The following CNN2 variants were observed in gnomAD, a reference collection of about 807,000 sequenced individuals.
CNN2 encodes the protein calponin-2.
In CNN2, 21 loss-of-function variants were observed where a neutral mutation model predicts 31.0. The observed-to-expected ratio is 0.68, with a 90% confidence interval of 0.48 to 0.98. The LOEUF is 0.98. CNN2 is among the 50% of genes least tolerant of loss of function. The pLI is 0.00. For missense variants in CNN2, 399 were observed against 427.3 expected (o/e 0.93, Z 0.58); for synonymous variants, 165 against 179.6 (o/e 0.92, Z 0.65).
At chr19:1,035,524 G>A (rs547630041) in intron 4 of CNN2, among the ~76,000 whole-genome samples, 1 of 152,260 alleles carries the variant, frequency 6.6e-6, no homozygotes, top group Admixed American at 6.5e-5. Flanking sequence ...AGGAGGTGGT[G>A]GAAGGTGAGA....
chr19:1,036,679 C>T (rs2039592930), intron 6 of CNN2, 117 bp downstream of exon 6: 2 of 1,274,646 alleles, frequency 1.6e-6, no homozygotes, highest in African/African-American at 1.5e-5. Context: ...CAGCCCCTTC[C>T]CTAGACCACC....
At chr19:1,027,544 C>G (rs1457857874) in intron 1 of CNN2, among the ~76,000 whole-genome samples, 3 of 152,212 alleles carry the variant, frequency 2.0e-5, no homozygotes, top group Non-Finnish European at 4.4e-5. Flanking sequence ...AGGGGAGACA[C>G]TTTTTAAGAG....
rs776013683 is a variant in CNN2, at chr19:1,033,758, G to GAC, written c.390+1063_390+1064dup. 3.2e-3 allele frequency among the ~76,000 whole-genome samples: 242 copies of GAC among 75,430 alleles called. 2 individuals carry two copies. Among genetic ancestry groups the GAC allele is most frequent in the East Asian group, 9.7e-3 (21 of 2,158 alleles). 49.5% of individuals were successfully genotyped at this position (75,430 alleles called of 152,430 possible). A position where few individuals can be genotyped will look rare whatever the true frequency, so the allele number is the denominator to read the frequency against. ...TGGTGTAGACGGGGAGCGTGGGTGG[G>GAC]ACGGTGTCTGGTGTAGACCGGGAGC... On this transcript the variant is annotated intron_variant, in intron 4 of 6. Coordinates refer to ENST00000263097, the MANE Select transcript of CNN2 (RefSeq NM_004368.4).
chr19:1,035,657 T>G (rs1460353997), intron 4 of CNN2, among the ~76,000 whole-genome samples: 1 of 152,160 alleles, frequency 6.6e-6, no homozygotes, highest in Non-Finnish European at 1.5e-5. Flanking sequence ...GCGCGGTGGC[T>G]CACGCCTGTA....
At chr19:1,031,028 G>A (rs769198476) in intron 1 of CNN2, 43 bp from the exon 2 acceptor site, 13 of 1,577,442 alleles carry the variant, frequency 8.2e-6, no homozygotes, top group African/African-American at 1.4e-5. Flanking sequence ...CCTGCTGGGG[G>A]TGCCCCCAGC....
At chr19:1,036,602 C>A (rs2039591315) in intron 6 of CNN2, 40 bp downstream of exon 6, 9 of 1,612,942 alleles carry the variant, frequency 5.6e-6, no homozygotes, top group Non-Finnish European at 7.6e-6. Flanking sequence ...TCTCCCTGCC[C>A]CTCTACACCC....
intron 1 of CNN2, among the ~76,000 whole-genome samples, chr19:1,029,620 G>C (rs1271246284): frequency 3.3e-5 from 5 of 152,162 alleles, no homozygotes; most frequent in Non-Finnish European, 5.9e-5. Context: ...AGCGGAGGCT[G>C]AGTGGGGAGC....
chr19:1,035,647 G>A (rs1351248540), intron 4 of CNN2, among the ~76,000 whole-genome samples: 1 of 152,224 alleles, frequency 6.6e-6, no homozygotes, highest in Non-Finnish European at 1.5e-5. Context: ...CATGGGCTGG[G>A]CGCGGTGGCT....
chr19:1,026,947 G>C (rs1031293824), intron 1 of CNN2: 6 of 510,302 alleles, frequency 1.2e-5, no homozygotes, highest in Admixed American at 4.0e-5. Context: ...TCTGGGGGAC[G>C]AGTGACCCAT....
At chr19:1,028,108 C>A (rs1033424148) in intron 1 of CNN2, among the ~76,000 whole-genome samples, 2 of 152,164 alleles carry the variant, frequency 1.3e-5, no homozygotes, top group Non-Finnish European at 2.9e-5. Context: ...CTAAGGGCAC[C>A]GGTGTCCACA....
At chr19:1,030,909 G>C in intron 1 of CNN2, 162 bp from the exon 2 acceptor site, 2 of 909,240 alleles carry the variant, frequency 2.2e-6, no homozygotes, top group Non-Finnish European at 3.3e-6. Context: ...CCCAATGATG[G>C]GAAAAGGGAG....
chr19:1,036,483 AC>A lies in CNN2; in HGVS notation c.579del (p.Lys194ArgfsTer28), dbSNP rs756749884. On this transcript the variant is annotated frameshift_variant, in exon 6 of 7. Transcript: ENST00000263097. LOFTEE classifies it high-confidence loss of function. ...TAYGTRRHLYDPKNHILPPMD... is the reference protein window; with the variant it reads ...TAYGTRRHLYXPKNHILPPMD... ...TACGGCACGAGAAGGCATCTCTATG[AC>A]CCCAAGAACCATATCCTGCCCCCCA... 1 of 1,612,942 alleles carries A rather than the reference AC, an allele frequency of 6.2e-7. No individual in the cohort carries two copies. The highest frequency in any genetic ancestry group is 1.1e-5 in the South Asian group (1 of 91,054).
intron 1 of CNN2, 98 bp from the exon 2 acceptor site, chr19:1,030,973 C>G: frequency 2.8e-6 from 4 of 1,429,090 alleles, no homozygotes; most frequent in Non-Finnish European, 3.8e-6. Flanking sequence ...TCTGCTGTTG[C>G]CCTGGAGTCC....
At chr19:1,036,694 G>T (rs751459188) in intron 6 of CNN2, 132 bp downstream of exon 6, 491 of 1,096,926 alleles carry the variant, frequency 4.5e-4, no homozygotes, top group Non-Finnish European at 6.4e-4. Context: ...ACCACCTCCG[G>T]CTTCCCTCCC....
intron 2 of CNN2, 24 bp downstream of exon 2, chr19:1,031,216 C>T (rs376389864): frequency 7.9e-5 from 122 of 1,535,126 alleles, no homozygotes; most frequent in Non-Finnish European, 9.7e-5. Flanking sequence ...GGGACACAGG[C>T]TGTCTCACAC....
chr19:1,036,290 G>A, intron 5 of CNN2, 44 bp downstream of exon 5: 23 of 1,566,268 alleles, frequency 1.5e-5, no homozygotes, highest in East Asian at 2.3e-5. Flanking sequence ...GGCATTGGGG[G>A]ACCACGGTGT....
In CNN2 at chr19:1,028,049, C is replaced by T. The variant is rs890944388; in HGVS notation, c.63+1325C>T. Among the ~76,000 whole-genome samples, 10 of 152,304 alleles carry T rather than the reference C, an allele frequency of 6.6e-5. No individual in the cohort carries two copies. In the South Asian group the frequency reaches 1.9e-3, roughly 28 times the overall value. The stretch of plus-strand genomic sequence containing the variant: ...CCATCTGCACCCTGCATTCATAGAG[C>T]CCCCCGTGCAGTGGGGTGGGCACCC... On this transcript the variant is annotated intron_variant, in intron 1 of 6. Transcript: ENST00000263097.
Position 1,038,238 on chromosome 19 carries a change from C to T in CNN2, c.*338C>T. On this transcript the variant is annotated 3_prime_UTR_variant, in exon 7 of 7. Transcript: ENST00000263097. ...ACGGTTTCTGCTTGCCTCGCCTCTT[C>T]CCCCTTTTGTCAGCTGAGCAGTTTG... 1 of 275,496 alleles carries T rather than the reference C, an allele frequency of 3.6e-6. No individual in the cohort carries two copies. The highest frequency in any genetic ancestry group is 6.8e-6 in the Non-Finnish European group (1 of 146,760). 17.1% of individuals were successfully genotyped at this position (275,496 alleles called of 1,614,324 possible). A position where few individuals can be genotyped will look rare whatever the true frequency, so the allele number is the denominator to read the frequency against.
intron 1 of CNN2, among the ~76,000 whole-genome samples, chr19:1,027,456 C>T (rs1317838271): frequency 1.3e-5 from 2 of 152,240 alleles, no homozygotes; most frequent in African/African-American, 4.8e-5. Flanking sequence ...GGGTGGATGG[C>T]TTGAGCCCAG....
Sources: gnomAD v4.1 joint callset for allele counts (sites outside exome capture counted in the v4.1 genomes callset) on GRCh38, gnomAD v4.1.1 for gene constraint, MANE v1.5 for transcripts, NCBI Gene and HGNC (gene_info 2026-07-23, HGNC 2026-07-21) for gene names.